PLSCR5: variants seen among roughly 807,000 people sequenced by gnomAD.
The protein encoded by PLSCR5 is phospholipid scramblase family member 5.
Under a neutral mutation model 33.6 loss-of-function variants are expected in PLSCR5, and 44 were observed. The ratio of observed to expected loss-of-function variants is 1.31; its 90% CI spans 1.03 to 1.69. The LOEUF (loss-of-function observed/expected upper bound fraction) is 1.69. Among genes scored for constraint, PLSCR5 ranks in the 40% most tolerant of loss-of-function variants. The probability of loss-of-function intolerance (pLI) is 0.00; values close to 1 mark genes in which losing one functional copy is unlikely to be tolerated. For missense variants in PLSCR5, 375 were observed against 318.7 expected (o/e 1.18, Z -1.34); for synonymous variants, 148 against 112.3 (o/e 1.32, Z -2.01).
chr3:146,595,390 G>C (rs1218439646), intron 2 of PLSCR5, among the ~76,000 whole-genome samples: 1 of 152,178 alleles, frequency 6.6e-6, no homozygotes, highest in Non-Finnish European at 1.5e-5. Context: ...GGTCAAGGTA[G>C]GCAGATTGCT....
chr3:146,596,131 A>T (rs1226566479), intron 2 of PLSCR5, among the ~76,000 whole-genome samples: 1 of 152,224 alleles, frequency 6.6e-6, no homozygotes, highest in African/African-American at 2.4e-5. Context: ...TGTAATGCAA[A>T]TTGCTTTTTA....
In PLSCR5 at chr3:146,580,314, A is replaced by G. The variant is rs1387820870; in HGVS notation, c.*45-3589T>C. Reference sequence around the variant, plus strand: ...ATTTCTCTTCCTAAACTTGCCTTGCAAGACTGTATGTGATTTAGCCCCTAG... The same window carrying G: ...ATTTCTCTTCCTAAACTTGCCTTGCGAGACTGTATGTGATTTAGCCCCTAG... On this transcript the variant is annotated intron_variant, in intron 7 of 7. Transcript: ENST00000482567. Among the ~76,000 whole-genome samples, 4 of 152,240 alleles carry G rather than the reference A, an allele frequency of 2.6e-5. No homozygotes were observed. In the East Asian group the frequency reaches 7.7e-4, roughly 29 times the overall value.
At chr3:146,600,035 A>T (rs537830633) in intron 2 of PLSCR5, among the ~76,000 whole-genome samples, 7 of 152,324 alleles carry the variant, frequency 4.6e-5, no homozygotes, top group Admixed American at 4.6e-4. Context: ...TATGCTAAAC[A>T]GCTCCATCAA....
intron 3 of PLSCR5, among the ~76,000 whole-genome samples, chr3:146,594,428 G>A (rs2044741782): frequency 6.6e-6 from 1 of 151,986 alleles, no homozygotes; most frequent in South Asian, 2.1e-4. Flanking sequence ...ATGCTTTAAA[G>A]AATAATTTAT....
chr3:146,593,181 T>A (rs960596661), intron 4 of PLSCR5, among the ~76,000 whole-genome samples: 1 of 152,242 alleles, frequency 6.6e-6, no homozygotes, highest in East Asian at 1.9e-4. Context: ...CTTGAATGTA[T>A]AGTCATAGGT....
At chr3:146,577,381 T>C (rs577558806) in intron 7 of PLSCR5, among the ~76,000 whole-genome samples, 1 of 152,262 alleles carries the variant, frequency 6.6e-6, no homozygotes, top group African/African-American at 2.4e-5. Context: ...CTGAAGGCGA[T>C]CAGGATGCAA....
At chr3:146,578,020 T>C (rs2044609624) in intron 7 of PLSCR5, among the ~76,000 whole-genome samples, 1 of 152,156 alleles carries the variant, frequency 6.6e-6, no homozygotes. Flanking sequence ...AAATATGGTA[T>C]AGTTTAAAAC....
At chr3:146,578,479 T>C (rs1235013185) in intron 7 of PLSCR5, among the ~76,000 whole-genome samples, 1 of 140,306 alleles carries the variant, frequency 7.1e-6, no homozygotes, top group Non-Finnish European at 1.6e-5. Flanking sequence ...CTTCCCATTT[T>C]ATTTCCTTAT....
At chr3:146,592,414 T>C (rs2044723789) in intron 4 of PLSCR5, among the ~76,000 whole-genome samples, 1 of 152,150 alleles carries the variant, frequency 6.6e-6, no homozygotes, top group Non-Finnish European at 1.5e-5. Context: ...ATTGCTGGTT[T>C]GTGGCTTCCA....
chr3:146,585,981 T>C, intron 7 of PLSCR5, 39 bp from the exon 8 acceptor site: 2 of 1,282,768 alleles, frequency 1.6e-6, no homozygotes, highest in Non-Finnish European at 1.0e-6. Flanking sequence ...GCGTCAAATA[T>C]AGACATCTTC....
intron 6 of PLSCR5, among the ~76,000 whole-genome samples, chr3:146,587,189 C>T (rs1560105943): frequency 6.6e-6 from 1 of 152,088 alleles, no homozygotes; most frequent in Non-Finnish European, 1.5e-5. Flanking sequence ...TTGCTTTGAG[C>T]GAGCTTCTAG....
At position 146,591,792 on chromosome 3, in the gene PLSCR5, T is replaced by C; in HGVS notation, c.543A>G (p.Ala181=). The change falls in exon 5 of 8, where the codon GCA becomes GCG. Residue 181 remains alanine, a synonymous_variant. Coordinates refer to ENST00000443512, the MANE Select transcript of PLSCR5 (RefSeq NM_001085420.2). ...PFLPKFTIQN[A]NKEDILKIVG... ...CAATTTTCAAAATATCTTCTTTGTT[T>C]GCATTTTGGATTGTGAATTTAGGCA... is the stretch of plus-strand genomic sequence containing the variant. 2 of 1,612,336 alleles carry C rather than the reference T, an allele frequency of 1.2e-6. No homozygotes were observed. Among genetic ancestry groups the C allele is most frequent in the Non-Finnish European group, 1.7e-6 (2 of 1,179,024 alleles).
At chr3:146,601,220 A>G (rs138863106) in intron 1 of PLSCR5, among the ~76,000 whole-genome samples, 5 of 151,838 alleles carry the variant, frequency 3.3e-5, no homozygotes, top group Non-Finnish European at 5.9e-5. Context: ...ACTTTGCATT[A>G]CTCTGTGTAA....
At chr3:146,590,997 G>GTT (rs371124404) in intron 5 of PLSCR5, among the ~76,000 whole-genome samples, 18,056 of 141,516 alleles carry the variant, frequency 0.13, 1,201 homozygotes, top group African/African-American at 0.18. Flanking sequence ...GTTTTTTTTT[G>GTT]TTTTTTTTTT....
Position 146,589,804 on chromosome 3 carries a change from A to G in PLSCR5, c.626T>C (p.Ile209Thr). Residue 209 changes from isoleucine to threonine, a missense_variant, in exon 6 of 8, where the codon ATT (isoleucine) becomes ACT (threonine). Transcript: ENST00000443512. Reference protein sequence around the residue: ...FGDVDFEVKTINEKLTIGKIS... With the variant: ...FGDVDFEVKTTNEKLTIGKIS... ...CTTCCCAATTGTAAGCTTTTCATTA[A>G]TGGTTTTCACCTTTAGAAAGAAAAT... 1 of 1,543,922 alleles carries G rather than the reference A, an allele frequency of 6.5e-7. No individual in the cohort carries two copies. The highest frequency in any genetic ancestry group is 8.8e-7 in the Non-Finnish European group (1 of 1,131,370).
chr3:146,591,947 G>T, intron 4 of PLSCR5, 66 bp from the exon 5 acceptor site: 1 of 1,334,572 alleles, frequency 7.5e-7, no homozygotes, highest in Non-Finnish European at 1.0e-6. Flanking sequence ...TTACTATAAT[G>T]TCAATTTACC....
At chr3:146,594,751 C>A (rs2044743952) in intron 3 of PLSCR5, among the ~76,000 whole-genome samples, 1 of 152,042 alleles carries the variant, frequency 6.6e-6, no homozygotes, top group Admixed American at 6.6e-5. Context: ...TGATTAGCAT[C>A]CACGGAAATG....
In PLSCR5 at chr3:146,605,291, C is replaced by T. The variant is rs2044855351; in HGVS notation, c.-79G>A. The T allele has an allele frequency of 1.9e-5, 31 of 1,603,460 alleles. No individual in the cohort carries two copies. Among genetic ancestry groups the T allele is most frequent in the Middle Eastern group, 1.7e-4 (1 of 5,982 alleles). ...TTCTTGTTGCAGCAAGGAGAGAAAA[C>T]GCAGCATGCACAAAACTTCAGAACG... On this transcript the variant is annotated 5_prime_UTR_variant, in exon 1 of 8. Transcript: ENST00000443512.
At chr3:146,593,812 T>A in intron 4 of PLSCR5, 108 bp downstream of exon 4, 1 of 1,003,874 alleles carries the variant, frequency 1.0e-6, no homozygotes, top group Non-Finnish European at 1.5e-6. Flanking sequence ...CTATTAATAA[T>A]TAAAACAACT....
Sources: gnomAD v4.1 joint callset for allele counts (sites outside exome capture counted in the v4.1 genomes callset) on GRCh38, gnomAD v4.1.1 for gene constraint, MANE v1.5 for transcripts, NCBI Gene and HGNC (gene_info 2026-07-23, HGNC 2026-07-21) for gene names.